Variants in DCLK2 observed in about 807,000 individuals in gnomAD.
DCLK2 encodes the protein doublecortin like kinase 2.
In DCLK2, 31 loss-of-function variants were observed where a neutral mutation model predicts 78.4. The ratio of observed to expected loss-of-function variants is 0.40; its 90% CI spans 0.30 to 0.53. The LOEUF is 0.53. DCLK2 is among the 20% of genes least tolerant of loss of function. DCLK2 has a pLI of 0.61. For missense variants in DCLK2, 872 were observed against 973.7 expected, an observed-to-expected ratio of 0.90 and a Z score of 1.39; for synonymous variants, 407 against 374.9, an observed-to-expected ratio of 1.09 and a Z score of -0.99.
At chr4:150,207,064 T>A (rs1176961036) in intron 5 of DCLK2, among the ~76,000 whole-genome samples, 1 of 152,142 alleles carries the variant, frequency 6.6e-6, no homozygotes, top group East Asian at 1.9e-4. Context: ...TAAGATCAGT[T>A]AAGAGGGAAT....
intron 2 of DCLK2, among the ~76,000 whole-genome samples, chr4:150,179,319 C>T (rs543749662): frequency 1.3e-5 from 2 of 152,276 alleles, no homozygotes; most frequent in East Asian, 3.9e-4. Context: ...TGAGCCACTG[C>T]GCCCAGCCAA....
At chr4:150,252,763 T>G (rs1212209246) in intron 15 of DCLK2, among the ~76,000 whole-genome samples, 1 of 152,214 alleles carries the variant, frequency 6.6e-6, no homozygotes, top group Non-Finnish European at 1.5e-5. Flanking sequence ...TGTTGTATGT[T>G]TATGTGTGTT....
intron 2 of DCLK2, among the ~76,000 whole-genome samples, chr4:150,137,407 G>T (rs1243740385): frequency 1.3e-5 from 2 of 152,166 alleles, no homozygotes; most frequent in Admixed American, 6.5e-5. Flanking sequence ...GCCTCATTCT[G>T]TTGGTTAAAA....
chr4:150,108,936 G>T (rs1165676458), intron 2 of DCLK2, among the ~76,000 whole-genome samples: 6 of 152,180 alleles, frequency 3.9e-5, no homozygotes, highest in Non-Finnish European at 8.8e-5. Context: ...ACCACTGCCA[G>T]CCTTAGGATG....
At chr4:150,199,116 G>A in intron 4 of DCLK2, 1 of 1,554,450 alleles carries the variant, frequency 6.4e-7, no homozygotes, top group Non-Finnish European at 8.7e-7. Context: ...GCTCTGCTGG[G>A]TTTTTGTTTT....
intron 2 of DCLK2, among the ~76,000 whole-genome samples, chr4:150,167,145 A>T (rs1736149664): frequency 6.6e-6 from 1 of 152,138 alleles, no homozygotes; most frequent in African/African-American, 2.4e-5. Context: ...TCCTGATTTT[A>T]AGAGGGAAAA....
At chr4:150,228,087 G>C (rs1404892423) in intron 8 of DCLK2, among the ~76,000 whole-genome samples, 6 of 152,076 alleles carry the variant, frequency 3.9e-5, no homozygotes, top group African/African-American at 1.4e-4. Context: ...TCTTCACGCT[G>C]CCTTCTTCTC....
At chr4:150,189,624 T>C (rs991255201) in intron 2 of DCLK2, among the ~76,000 whole-genome samples, 4 of 152,266 alleles carry the variant, frequency 2.6e-5, no homozygotes, top group Admixed American at 1.3e-4. Context: ...CATGCCGCCA[T>C]ATAGACAGAA....
intron 12 of DCLK2, among the ~76,000 whole-genome samples, chr4:150,244,376 A>G (rs1294767032): frequency 1.3e-5 from 2 of 152,246 alleles, no homozygotes; most frequent in Non-Finnish European, 2.9e-5. Flanking sequence ...TTGTGTGACT[A>G]TACTGAAATT....
At chr4:150,222,023 A>T (rs1560884316) in intron 7 of DCLK2, among the ~76,000 whole-genome samples, 1 of 151,706 alleles carries the variant, frequency 6.6e-6, no homozygotes, top group Non-Finnish European at 1.5e-5. Flanking sequence ...GCAGGGTCTC[A>T]CTCTGTTACC....
At chr4:150,245,436 G>A (rs1743232697) in intron 12 of DCLK2, among the ~76,000 whole-genome samples, 1 of 152,004 alleles carries the variant, frequency 6.6e-6, no homozygotes, top group Non-Finnish European at 1.5e-5. Flanking sequence ...TGTTACATAT[G>A]TATACATGCG....
At chr4:150,159,263 C>T (rs1459119594) in intron 2 of DCLK2, among the ~76,000 whole-genome samples, 1 of 152,190 alleles carries the variant, frequency 6.6e-6, no homozygotes, top group Non-Finnish European at 1.5e-5. Context: ...AATCCTGGAG[C>T]TGCAGAAGAG....
intron 2 of DCLK2, among the ~76,000 whole-genome samples, chr4:150,132,308 G>A (rs564815183): frequency 6.6e-6 from 1 of 152,314 alleles, no homozygotes; most frequent in South Asian, 2.1e-4. Context: ...GTGCTGGATT[G>A]TATGCCACAA....
Position 150,088,702 on chromosome 4 carries a change from A to G in DCLK2, c.421+9254A>G, listed in dbSNP as rs143813040. Among the ~76,000 whole-genome samples, 449 of 152,340 alleles carry G rather than the reference A, an allele frequency of 2.9e-3. 4 individuals carry two copies. The highest frequency in any genetic ancestry group is 0.01 in the African/African-American group (429 of 41,574). ...GAAAATCTGAAACTTTTTGAGTACT[A>G]ATGTGATACCACAAATGGAAAATTC... On this transcript the variant is annotated intron_variant, in intron 1 of 15. Coordinates refer to ENST00000296550, the MANE Select transcript of DCLK2 (RefSeq NM_001040260.4).
At position 150,152,450 on chromosome 4, in the gene DCLK2, T is replaced by G. The variant is rs368255513; in HGVS notation, c.757-40688T>G. ...GTGCCCACCACCACACCCAGCTAAT[T>G]TTTGTATCTTTAGTAGAGACGGGGT... is the stretch of plus-strand genomic sequence containing the variant. On this transcript the variant is annotated intron_variant, in intron 2 of 15. Coordinates refer to ENST00000296550, the MANE Select transcript of DCLK2 (RefSeq NM_001040260.4). 3.6e-3 allele frequency among the ~76,000 whole-genome samples: 549 copies of G among 152,264 alleles called. 3 individuals are homozygous for G. The highest frequency in any genetic ancestry group is 6.4e-3 in the Non-Finnish European group (436 of 68,030).
At chr4:150,087,294 A>T (rs917715610) in intron 1 of DCLK2, among the ~76,000 whole-genome samples, 12 of 152,158 alleles carry the variant, frequency 7.9e-5, no homozygotes, top group Non-Finnish European at 1.5e-4. Flanking sequence ...ATTTTGACCT[A>T]CTCTGTTACC....
At position 150,250,800 on chromosome 4, in the gene DCLK2, A is replaced by G. The variant is rs551730695; in HGVS notation, c.2073+1116A>G. On this transcript the variant is annotated intron_variant, in intron 15 of 15. Coordinates refer to ENST00000296550, the MANE Select transcript of DCLK2 (RefSeq NM_001040260.4). ...ACATGGTTGTCTGAGAGCCTTACCT[A>G]GGAAGACGCAGGGTCTAGATAGAAG... Among the ~76,000 whole-genome samples the G allele has an allele frequency of 1.5e-3, 227 of 151,050 alleles. 2 individuals carry two copies. Among genetic ancestry groups the G allele is most frequent in the African/African-American group, 5.3e-3 (216 of 40,990 alleles).
At chr4:150,126,894 C>G (rs1342392439) in intron 2 of DCLK2, among the ~76,000 whole-genome samples, 1 of 152,150 alleles carries the variant, frequency 6.6e-6, no homozygotes, top group Non-Finnish European at 1.5e-5. Context: ...TCCTTAATAG[C>G]CTCTAATTTG....
intron 10 of DCLK2, 79 bp downstream of exon 10, chr4:150,232,907 A>G: frequency 1.3e-6 from 2 of 1,532,260 alleles, no homozygotes; most frequent in Middle Eastern, 1.7e-4. Context: ...ATGGCATTTT[A>G]TAGTCTATAC....
Sources: allele counts gnomAD v4.1 joint callset (sites outside exome capture counted in the v4.1 genomes callset), GRCh38; gene constraint gnomAD v4.1.1; transcripts MANE v1.5; gene names NCBI Gene and HGNC (gene_info 2026-07-23, HGNC 2026-07-21).